The following RGS10 variants were observed in gnomAD, a reference collection of about 807,000 sequenced individuals.
RGS10 encodes regulator of G protein signaling 10.
Under a neutral mutation model 23.5 loss-of-function variants are expected in RGS10, and 11 were observed. The ratio of observed to expected loss-of-function variants is 0.47; its 90% CI spans 0.29 to 0.77. The LOEUF is 0.77. Among genes scored for constraint, RGS10 ranks in the 30% least tolerant of loss-of-function variants. The probability of loss-of-function intolerance (pLI) is 0.08; values close to 1 mark genes in which losing one functional copy is unlikely to be tolerated. For missense variants in RGS10, 180 were observed against 226.3 expected (o/e 0.80, Z 1.31); for synonymous variants, 77 against 83.2 (o/e 0.92, Z 0.41).
intron 1 of RGS10, among the ~76,000 whole-genome samples, chr10:119,528,321 G>C (rs190587162): frequency 6.6e-6 from 1 of 151,724 alleles, no homozygotes. Context: ...ATGAGCCACC[G>C]CGCCCAGTTC....
chr10:119,519,124 C>G (rs1488030991), intron 3 of RGS10, among the ~76,000 whole-genome samples: 1 of 152,234 alleles, frequency 6.6e-6, no homozygotes, highest in Non-Finnish European at 1.5e-5. Context: ...CTCCACCAGC[C>G]GGCTGACGCT....
At chr10:119,513,690 C>T (rs1844103634) in intron 4 of RGS10, among the ~76,000 whole-genome samples, 1 of 152,114 alleles carries the variant, frequency 6.6e-6, no homozygotes, top group Non-Finnish European at 1.5e-5. Context: ...TCAGAACTCT[C>T]CCATTCCTCA....
intron 3 of RGS10, among the ~76,000 whole-genome samples, chr10:119,522,579 A>T (rs1057270204): frequency 1.3e-5 from 2 of 152,162 alleles, no homozygotes; most frequent in Non-Finnish European, 2.9e-5. Context: ...TTAGCTGGGC[A>T]TGGTGGCACA....
intron 4 of RGS10, among the ~76,000 whole-genome samples, chr10:119,509,827 C>T (rs893164097): frequency 2.6e-5 from 4 of 152,248 alleles, no homozygotes; most frequent in South Asian, 4.1e-4. Flanking sequence ...GGTCAGACAG[C>T]GGCAGGGCTG....
At chr10:119,542,456 G>A (rs1163019903) in intron 1 of RGS10, 134 bp downstream of exon 1, 2 of 683,444 alleles carry the variant, frequency 2.9e-6, no homozygotes, top group East Asian at 3.4e-5. Context: ...AGCGGGGAGA[G>A]GTGGTGCGGT....
In RGS10 at chr10:119,513,529, C is replaced by T. The variant is rs1189550459; in HGVS notation, c.399+1980G>A. 2.6e-5 allele frequency among the ~76,000 whole-genome samples: 4 copies of T among 152,150 alleles called. No individual in the cohort carries two copies. In the East Asian group the frequency reaches 7.7e-4, roughly 29 times the overall value. ...AAAAAAGAAAAAAAAAACAATCAGCCTCTGTCCCCTGTGTTTCTTCCTTTC... is the reference window on the plus strand; with the variant it reads ...AAAAAAGAAAAAAAAAACAATCAGCTTCTGTCCCCTGTGTTTCTTCCTTTC... On this transcript the variant is annotated intron_variant, in intron 4 of 4. Coordinates refer to ENST00000369103, the MANE Select transcript of RGS10 (RefSeq NM_001005339.2).
At chr10:119,542,513 A>C (rs1589845481) in intron 1 of RGS10, 77 bp downstream of exon 1, 2 of 1,259,918 alleles carry the variant, frequency 1.6e-6, no homozygotes, top group South Asian at 1.9e-5. Flanking sequence ...GCGCCCGAGC[A>C]CAAGAGGGAG....
chr10:119,532,753 A>C (rs1372097963), intron 1 of RGS10, among the ~76,000 whole-genome samples: 2 of 152,162 alleles, frequency 1.3e-5, no homozygotes, highest in African/African-American at 2.4e-5. Context: ...AGGCAGGAGA[A>C]TTACTTGAAC....
At chr10:119,519,343 C>CTGTCTCCCTG (rs1844183486) in intron 3 of RGS10, among the ~76,000 whole-genome samples, 1 of 135,298 alleles carries the variant, frequency 7.4e-6, no homozygotes. Flanking sequence ...TCCCCAGCTC[C>CTGTCTCCCTG]TGTCTCCCTG....
At chr10:119,536,659 G>C (rs1844392042) in intron 1 of RGS10, 2 of 608,386 alleles carry the variant, frequency 3.3e-6, no homozygotes, top group Admixed American at 3.2e-5. Flanking sequence ...GTTTCTACTA[G>C]AGGGAAGGAA....
Position 119,500,182 on chromosome 10 carries a change from C to T in RGS10, c.477G>A (p.Glu159=). The change falls in exon 5 of 5, where the codon GAG becomes GAA. Residue 159 remains glutamate (E), a synonymous_variant. Transcript: ENST00000369103. The part of the protein sequence containing the change: ...SDLFLKHKRT[E]EEEEDLPDAQ... ...CATCAGGCAAATCTTCTTCCTCTTC[C>T]TCGGTTCGCTTGTGTTTTAAAAACA... The T allele has an allele frequency of 6.2e-7, 1 of 1,614,028 alleles. No individual in the cohort carries two copies. The highest frequency in any genetic ancestry group is 8.5e-7 in the Non-Finnish European group (1 of 1,179,976).
intron 3 of RGS10, among the ~76,000 whole-genome samples, chr10:119,518,054 C>T (rs1167520938): frequency 6.6e-6 from 1 of 152,154 alleles, no homozygotes; most frequent in Non-Finnish European, 1.5e-5. Flanking sequence ...GTGTCTAGGC[C>T]GAGAACATGA....
At chr10:119,502,931 G>A (rs950279649) in intron 4 of RGS10, among the ~76,000 whole-genome samples, 5 of 152,298 alleles carry the variant, frequency 3.3e-5, no homozygotes, top group South Asian at 2.1e-4. Context: ...GCCCTCGTGC[G>A]CCTGGGCTGT....
rs74157685 is a variant in RGS10, at chr10:119,538,387, C to A, written c.49+4203G>T. 1.3e-5 allele frequency among the ~76,000 whole-genome samples: 2 copies of A among 152,304 alleles called. No individual in the cohort carries two copies. Among genetic ancestry groups the A allele is most frequent in the Admixed American group, 1.3e-4 (2 of 15,296 alleles). ...GAGGGAGAAATGAAATGGTTCCCTCCTGCTCAGACAAGCTGCTCTGTCAAG... is the reference window on the plus strand; with the variant it reads ...GAGGGAGAAATGAAATGGTTCCCTCATGCTCAGACAAGCTGCTCTGTCAAG... On this transcript the variant is annotated intron_variant, in intron 1 of 4. Transcript: ENST00000369103. This position sits in a 1 kb window ranked among gnomAD's most constrained non-coding sequence, Gnocchi z 4.5.
intron 4 of RGS10, among the ~76,000 whole-genome samples, chr10:119,504,468 G>A (rs540002178): frequency 3.2e-4 from 49 of 152,250 alleles, no homozygotes; most frequent in African/African-American, 1.1e-3. Flanking sequence ...GAGCCACCAC[G>A]CCCGGCTCCA....
chr10:119,536,710 T>C (rs1844392368), intron 1 of RGS10, among the ~76,000 whole-genome samples: 1 of 152,116 alleles, frequency 6.6e-6, no homozygotes, highest in African/African-American at 2.4e-5. Flanking sequence ...CCCTAGACTC[T>C]CCACTTTCTA....
intron 4 of RGS10, among the ~76,000 whole-genome samples, chr10:119,503,490 A>C (rs1320155064): frequency 6.6e-6 from 1 of 152,150 alleles, no homozygotes; most frequent in African/African-American, 2.4e-5. Context: ...GCTGAAGAGA[A>C]ATCGTGCGCT....
Position 119,499,932 on chromosome 10 carries a change from T to C in RGS10, c.*181A>G. On this transcript the variant is annotated 3_prime_UTR_variant, in exon 5 of 5. Transcript: ENST00000369103. Reference sequence around the variant, plus strand: ...ACTTCCAAGTTATTATTATTCTTTTTTTATGTTAGCTTAGCCATCATGCAA... The same window carrying C: ...ACTTCCAAGTTATTATTATTCTTTTCTTATGTTAGCTTAGCCATCATGCAA... 2 of 551,374 alleles carry C rather than the reference T, an allele frequency of 3.6e-6. No individual in the cohort carries two copies. Among genetic ancestry groups the C allele is most frequent in the Admixed American group, 3.6e-5 (1 of 27,544 alleles). 34.2% of individuals were successfully genotyped at this position (551,374 alleles called of 1,614,324 possible).
intron 3 of RGS10, among the ~76,000 whole-genome samples, chr10:119,516,703 C>G (rs41308649): frequency 6.6e-6 from 1 of 152,104 alleles, no homozygotes; most frequent in African/African-American, 2.4e-5. Context: ...CTGTTTCACC[C>G]GAAACTAACC....
Sources: gnomAD v4.1 joint callset for allele counts (sites outside exome capture counted in the v4.1 genomes callset) on GRCh38, gnomAD v4.1.1 for gene constraint, Gnocchi (gnomAD v3.1) non-coding constraint, MANE v1.5 for transcripts, NCBI Gene and HGNC (gene_info 2026-07-23, HGNC 2026-07-21) for gene names.